Variants in AGBL5 observed in about 807,000 individuals in gnomAD.
AGBL5 encodes the protein cytosolic carboxypeptidase-like protein 5.
Under a neutral mutation model 88.0 loss-of-function variants are expected in AGBL5, and 51 were observed. The observed-to-expected ratio is 0.58, with a 90% CI of 0.46 to 0.73. AGBL5 has a LOEUF of 0.73. AGBL5 is among the 30% of genes least tolerant of loss of function. AGBL5 has a pLI of 0.00. For missense variants in AGBL5, 1,031 were observed against 1,162.2 expected (o/e 0.89, Z 1.64); for synonymous variants, 446 against 438.8 (o/e 1.02, Z -0.21).
Position 27,056,617 on chromosome 2 carries a change from A to G in AGBL5, c.1366-6A>G. The G allele has an allele frequency of 6.3e-7, 1 of 1,590,490 alleles. No homozygotes were observed. ...CCTTCTGAGTTGACTTTTCTTCCCC[A>G]AACAGGTGGAAAACATGCTATATCC... is the stretch of plus-strand genomic sequence containing the variant. On this transcript the variant is annotated splice_polypyrimidine_tract_variant and splice_region_variant and intron_variant, in intron 7 of 14. Transcript: ENST00000360131.
intron 9 of AGBL5, 148 bp downstream of exon 9, chr2:27,057,586 G>A: frequency 1.0e-6 from 1 of 955,250 alleles, no homozygotes; most frequent in East Asian, 2.8e-5. Context: ...CAGTTAACAG[G>A]AGCATAACTA....
chr2:27,065,130 ACTT>A (rs1668923935), intron 11 of AGBL5, among the ~76,000 whole-genome samples: 1 of 152,068 alleles, frequency 6.6e-6, no homozygotes, highest in South Asian at 2.1e-4. Flanking sequence ...AGTTACTGTC[ACTT>A]CTTAAGTTAG....
intron 11 of AGBL5, among the ~76,000 whole-genome samples, chr2:27,060,788 G>T (rs908255458): frequency 6.6e-6 from 1 of 152,214 alleles, no homozygotes; most frequent in Non-Finnish European, 1.5e-5. Context: ...ATCAGGAAAG[G>T]ACACTTGTGC....
In AGBL5 at chr2:27,068,761, T is replaced by G. The variant is rs1669120137; in HGVS notation, c.2355+17T>G. 6.2e-7 allele frequency: 1 copy of G among 1,613,270 alleles called. No homozygotes were observed. Among genetic ancestry groups the G allele is most frequent in the South Asian group, 1.1e-5 (1 of 90,842 alleles). ...CGATTGCAGGTAATATTTTTGGGTC[T>G]CCAGCATAGCTACTCTGGCAGAACC... On this transcript the variant is annotated intron_variant, in intron 13 of 14. Transcript: ENST00000360131.
chr2:27,064,245 T>C (rs1018612721), intron 11 of AGBL5, among the ~76,000 whole-genome samples: 1 of 16,542 alleles, frequency 6.0e-5, no homozygotes, highest in Non-Finnish European at 1.1e-3. Context: ...GTTATCCTAT[T>C]GGCAACCTGT....
intron 11 of AGBL5, among the ~76,000 whole-genome samples, chr2:27,066,814 C>T (rs1669009334): frequency 6.6e-6 from 1 of 151,958 alleles, no homozygotes; most frequent in Admixed American, 6.6e-5. Flanking sequence ...GGCGCGGTGG[C>T]TCACACCTAT....
At position 27,067,252 on chromosome 2, in the gene AGBL5, T is replaced by TAAA. The variant is rs36064257; in HGVS notation, c.2090-221_2090-219dup. ...GCCTGGATGACAGAGTGGAAACCTT[T>TAAA]AAAAAAAAAAAAAAAAAAAAAAACT... On this transcript the variant is annotated intron_variant, in intron 11 of 14. Coordinates refer to ENST00000360131, the MANE Select transcript of AGBL5 (RefSeq NM_021831.6). Among the ~76,000 whole-genome samples the TAAA allele has an allele frequency of 2.8e-3, 290 of 104,444 alleles. 3 individuals carry two copies. Among genetic ancestry groups the TAAA allele is most frequent in the African/African-American group, 7.3e-3 (200 of 27,400 alleles). 68.5% of individuals were successfully genotyped at this position (104,444 alleles called of 152,430 possible). A position where few individuals can be genotyped will look rare whatever the true frequency, so the allele number is the denominator to read the frequency against.
In AGBL5 at chr2:27,058,421, G is replaced by A. The variant is rs1668545465; in HGVS notation, c.1693G>A (p.Ala565Thr). 8 of 1,613,204 alleles carry A rather than the reference G, an allele frequency of 5.0e-6. No individual in the cohort carries two copies. Among genetic ancestry groups the A allele is most frequent in the Non-Finnish European group, 6.8e-6 (8 of 1,180,040 alleles). Residue 565 changes from alanine to threonine, a missense_variant, in exon 10 of 15, where the codon GCA becomes ACA. Physicochemically the swap from Ala to Thr is moderately conservative, Grantham distance 58. Around this residue, in one of 2 missense-constraint regions of AGBL5, gnomAD observed 491 missense variants for 484.0 expected, o/e 1.01. Coordinates refer to ENST00000360131, the MANE Select transcript of AGBL5 (RefSeq NM_021831.6). The part of the protein sequence containing the change: ...FEQVGRAMAI[A>T]ALDMAECNPW... ...ACAGGTGGGACGAGCTATGGCCATT[G>A]CAGCCCTGGACATGGCGGAATGTAA...
chr2:27,050,890 C>A (rs1287881741), upstream of AGBL5: 2 of 152,144 alleles, frequency 1.3e-5, no homozygotes, highest in African/African-American at 4.8e-5. Context: ...TAATTTTTAA[C>A]CTCAATTTAA....
At chr2:27,056,975 A>C in intron 8 of AGBL5, 183 bp downstream of exon 8, 1 of 623,990 alleles carries the variant, frequency 1.6e-6, no homozygotes, top group Non-Finnish European at 2.5e-6. Flanking sequence ...CAGCCTGGGC[A>C]ACAAGAGCGA....
At position 27,053,667 on chromosome 2, in the gene AGBL5, G is replaced by C. The variant is rs1430748302; in HGVS notation, c.387+94G>C. On this transcript the variant is annotated intron_variant, in intron 3 of 14. Transcript: ENST00000360131. This position sits in a 1 kb window ranked among gnomAD's most constrained non-coding sequence, Gnocchi z 4.9. Reference sequence around the variant, plus strand: ...TTTTCCTTGATACAAGTATGAAGCAGGTGGGACAACAGGTTTAAGTATCAG... The same window carrying C: ...TTTTCCTTGATACAAGTATGAAGCACGTGGGACAACAGGTTTAAGTATCAG... 6.7e-7 allele frequency: 1 copy of C among 1,484,814 alleles called. No individual in the cohort carries two copies. The allele number at this position is 1,484,814 out of a possible 1,614,324, so 92.0% of individuals were successfully genotyped here.
chr2:27,068,644 C>T lies in AGBL5; in HGVS notation c.2255C>T (p.Ser752Leu), dbSNP rs769809694. 1 of 1,613,986 alleles carries T rather than the reference C, an allele frequency of 6.2e-7. No individual in the cohort carries two copies. The highest frequency in any genetic ancestry group is 8.5e-7 in the Non-Finnish European group (1 of 1,179,938). The change falls in exon 13 of 15, where the codon TCA becomes TTA. Residue 752 changes from serine (S) to leucine (L), a missense_variant. Physicochemically the swap from Ser to Leu is moderately radical, Grantham distance 145. Around this residue, in one of 2 missense-constraint regions of AGBL5, gnomAD observed 491 missense variants for 484.0 expected, o/e 1.01. Coordinates refer to ENST00000360131, the MANE Select transcript of AGBL5 (RefSeq NM_021831.6). ...DSFNIPGSSC[S>L]LLSSGDKPEA... ...CTCTGTTCCCTAGGGAGCAGTTGCT[C>T]ACTCTTGTCCTCTGGAGACAAACCA...
chr2:27,068,022 A>G (rs971880141), intron 12 of AGBL5, among the ~76,000 whole-genome samples: 9 of 152,212 alleles, frequency 5.9e-5, no homozygotes, highest in Non-Finnish European at 1.0e-4. Context: ...TTCTCCTGTC[A>G]ACACTGCTAA....
intron 11 of AGBL5, among the ~76,000 whole-genome samples, chr2:27,064,071 C>CT (rs1668855358): frequency 6.6e-6 from 1 of 152,198 alleles, no homozygotes; most frequent in Non-Finnish European, 1.5e-5. Flanking sequence ...ACTATTTCCT[C>CT]TATCAAGTTC....
chr2:27,068,165 C>T (rs1669089157), intron 12 of AGBL5, among the ~76,000 whole-genome samples: 1 of 152,170 alleles, frequency 6.6e-6, no homozygotes, highest in Admixed American at 6.5e-5. Flanking sequence ...TTCAAAGACC[C>T]CTACTCCCAA....
Position 27,069,218 on chromosome 2 carries a change from C to A in AGBL5, c.2356-355C>A. 5 of 1,350,396 alleles carry A rather than the reference C, an allele frequency of 3.7e-6. No individual in the cohort carries two copies. The East Asian group carries it at 2.0e-4, about 53-fold the overall frequency. 83.7% of individuals were successfully genotyped at this position (1,350,396 alleles called of 1,614,324 possible). On this transcript the variant is annotated intron_variant, in intron 13 of 14. Transcript: ENST00000360131. ...GACTGGATGGGTGAAGTGTACACTG[C>A]TCTGGCAGGGGCTAAAGCATAGAGG...
At chr2:27,056,333 C>A in intron 7 of AGBL5, 195 bp downstream of exon 7, 1 of 637,006 alleles carries the variant, frequency 1.6e-6, no homozygotes, top group Non-Finnish European at 2.6e-6. Context: ...TACATCATGA[C>A]CTTTTATTAA....
Position 27,055,717 on chromosome 2 carries a change from A to G in AGBL5, c.944A>G (p.Tyr315Cys), listed in dbSNP as rs1300629629. The G allele has an allele frequency of 1.9e-6, 3 of 1,613,910 alleles. No individual in the cohort carries two copies. The African/African-American group carries it at 4.0e-5, about 22-fold the overall frequency. Reference protein sequence around the residue: ...DSRGVNLNRQYLKPDAVLHPA... With the variant: ...DSRGVNLNRQCLKPDAVLHPA... Reference sequence around the variant, plus strand: ...CGTGGAGTGAATCTGAACCGTCAGTACCTGAAGCCTGATGCCGTCCTGCAC... The same window carrying G: ...CGTGGAGTGAATCTGAACCGTCAGTGCCTGAAGCCTGATGCCGTCCTGCAC... The change falls in exon 7 of 15, where the codon TAC (tyrosine) becomes TGC (cysteine). Residue 315 changes from tyrosine (Y) to cysteine (C), a missense_variant. Physicochemically the swap from Tyr to Cys is radical, Grantham distance 194. Coordinates refer to ENST00000360131, the MANE Select transcript of AGBL5 (RefSeq NM_021831.6).
upstream of AGBL5, chr2:27,051,490 G>A (rs1407927381): frequency 6.6e-6 from 1 of 152,254 alleles, no homozygotes; most frequent in African/African-American, 2.4e-5. Context: ...CCGTCTTCCG[G>A]AAGACGCTGC....
Sources: gnomAD v4.1 joint callset for allele counts (sites outside exome capture counted in the v4.1 genomes callset) on GRCh38, gnomAD v4.1.1 for gene constraint, gnomAD v4.1.1 regional missense constraint, Gnocchi (gnomAD v3.1) non-coding constraint, MANE v1.5 for transcripts, NCBI Gene and HGNC (gene_info 2026-07-23, HGNC 2026-07-21) for gene names.